The following DMRT1 variants were observed in gnomAD, a reference collection of about 807,000 sequenced individuals.
DMRT1 encodes doublesex- and mab-3-related transcription factor 1.
In DMRT1, 7 loss-of-function variants were observed where a neutral mutation model predicts 32.3. The ratio of observed to expected loss-of-function variants is 0.22; its 90% confidence interval spans 0.12 to 0.41. The LOEUF (loss-of-function observed/expected upper bound fraction) is 0.41, where lower values mean the gene tolerates loss of function less well. Ranked by LOEUF, DMRT1 falls within the 10% of genes least tolerant of loss-of-function variation. DMRT1 has a pLI of 1.00. For synonymous variants in DMRT1, 278 were observed against 206.1 expected (o/e 1.35, Z -2.99); for missense variants, 625 against 500.5 (o/e 1.25, Z -2.37).
At chr9:918,332 C>G (rs116382324) in intron 4 of DMRT1, among the ~76,000 whole-genome samples, 1 of 152,136 alleles carries the variant, frequency 6.6e-6, no homozygotes, top group Non-Finnish European at 1.5e-5. Flanking sequence ...CTTCTTACAC[C>G]AGGAATAATG....
At chr9:940,403 CA>C (rs1206785722) in intron 4 of DMRT1, among the ~76,000 whole-genome samples, 2 of 152,006 alleles carry the variant, frequency 1.3e-5, no homozygotes, top group Non-Finnish European at 2.9e-5. Context: ...AAATAACTCC[CA>C]CATGTATGGT....
At chr9:844,139 T>C (rs990822463) in intron 1 of DMRT1, among the ~76,000 whole-genome samples, 3 of 152,188 alleles carry the variant, frequency 2.0e-5, no homozygotes, top group Admixed American at 6.6e-5. Context: ...GAATAACCTT[T>C]ATTAGTAGAG....
intron 4 of DMRT1, among the ~76,000 whole-genome samples, chr9:941,071 C>G (rs77711424): frequency 0.033 from 4,999 of 152,242 alleles, 314 homozygotes; most frequent in East Asian, 0.18. Context: ...CCCTTGGGCA[C>G]TATTGGTGGG....
At chr9:890,720 TA>T (rs1817111953) in intron 2 of DMRT1, among the ~76,000 whole-genome samples, 1 of 152,122 alleles carries the variant, frequency 6.6e-6, no homozygotes. Context: ...TCTTTATTTT[TA>T]TTTTTTTATT....
chr9:944,066 C>T lies in DMRT1; in HGVS notation c.968-23919C>T, dbSNP rs538198374. ...GGCACCATTTGACTTGGGCAAATTTCTTCCCCTCTCTAAACCTTAGTTTTC... is the reference window on the plus strand; with the variant it reads ...GGCACCATTTGACTTGGGCAAATTTTTTCCCCTCTCTAAACCTTAGTTTTC... On this transcript the variant is annotated intron_variant, in intron 4 of 4. Coordinates refer to ENST00000382276, the MANE Select transcript of DMRT1 (RefSeq NM_021951.3). 3.9e-5 allele frequency among the ~76,000 whole-genome samples: 6 copies of T among 152,296 alleles called. No homozygotes were observed. The South Asian group carries it at 1.0e-3, about 26-fold the overall frequency.
intron 4 of DMRT1, among the ~76,000 whole-genome samples, chr9:967,127 C>T (rs1423347684): frequency 1.3e-5 from 2 of 152,220 alleles, no homozygotes; most frequent in Non-Finnish European, 2.9e-5. Flanking sequence ...ATTACCACTG[C>T]AGCTTCCCCT....
intron 4 of DMRT1, among the ~76,000 whole-genome samples, chr9:921,712 AAAAAAT>A (rs1193888886): frequency 5.3e-5 from 8 of 152,194 alleles, no homozygotes; most frequent in Non-Finnish European, 2.9e-5. Context: ...CATCTCTACA[AAAAAAT>A]AAAAAATAAA....
At chr9:963,362 C>T (rs1819835322) in intron 4 of DMRT1, among the ~76,000 whole-genome samples, 1 of 152,196 alleles carries the variant, frequency 6.6e-6, no homozygotes, top group African/African-American at 2.4e-5. Flanking sequence ...TCTCTCATCA[C>T]TACTCTTTAA....
At chr9:865,720 A>G (rs983758633) in intron 2 of DMRT1, among the ~76,000 whole-genome samples, 12 of 152,224 alleles carry the variant, frequency 7.9e-5, no homozygotes, top group African/African-American at 2.9e-4. Context: ...CAGGAATCTC[A>G]GAGACACATC....
intron 4 of DMRT1, among the ~76,000 whole-genome samples, chr9:932,666 C>T (rs981367854): frequency 2.0e-5 from 3 of 152,096 alleles, no homozygotes; most frequent in Non-Finnish European, 4.4e-5. Context: ...CACAAAACTG[C>T]CCCCATTTTA....
intron 3 of DMRT1, among the ~76,000 whole-genome samples, chr9:899,536 G>A (rs1023788336): frequency 9.2e-5 from 14 of 152,222 alleles, no homozygotes; most frequent in Admixed American, 1.3e-4. Flanking sequence ...GCCTCAGCCT[G>A]TGTAGGAGAT....
chr9:926,212 C>A (rs372145281), intron 4 of DMRT1, among the ~76,000 whole-genome samples: 1 of 152,168 alleles, frequency 6.6e-6, no homozygotes, highest in Non-Finnish European at 1.5e-5. Flanking sequence ...TCAGTATAAA[C>A]TTTAAGATAC....
intron 4 of DMRT1, among the ~76,000 whole-genome samples, chr9:956,556 C>T (rs1247097662): frequency 4.8e-5 from 7 of 146,420 alleles, no homozygotes; most frequent in African/African-American, 7.7e-5. Flanking sequence ...AGAGCAAGAC[C>T]CTGTCTCAAA....
chr9:875,177 C>G (rs1444291792), intron 2 of DMRT1, among the ~76,000 whole-genome samples: 1 of 152,116 alleles, frequency 6.6e-6, no homozygotes, highest in East Asian at 1.9e-4. Context: ...TGGCCCTTCC[C>G]TCATTGTAAA....
rs115457310 is a variant in DMRT1, at chr9:886,135, T to C, written c.539-7777T>C. 5.0e-3 allele frequency among the ~76,000 whole-genome samples: 761 copies of C among 152,310 alleles called. 7 individuals carry two copies. Among genetic ancestry groups the C allele is most frequent in the African/African-American group, 0.016 (683 of 41,564 alleles). ...TGTATTGGCCATGCAGTTTTAAAAG[T>C]CCGTGTTACAGTGCACACAAGCCAT... On this transcript the variant is annotated intron_variant, in intron 2 of 4. Transcript: ENST00000382276.
chr9:907,536 T>A (rs1219680505), intron 3 of DMRT1, among the ~76,000 whole-genome samples: 1 of 152,188 alleles, frequency 6.6e-6, no homozygotes, highest in Non-Finnish European at 1.5e-5. Flanking sequence ...AGGAAACATT[T>A]TTTAAAATTT....
At chr9:943,737 T>TTAC (rs1279965822) in intron 4 of DMRT1, among the ~76,000 whole-genome samples, 1 of 152,186 alleles carries the variant, frequency 6.6e-6, no homozygotes, top group African/African-American at 2.4e-5. Context: ...CGCCAGCAGA[T>TTAC]TACAATTTAC....
chr9:944,098 G>A (rs1023821347), intron 4 of DMRT1, among the ~76,000 whole-genome samples: 1 of 152,230 alleles, frequency 6.6e-6, no homozygotes, highest in Non-Finnish European at 1.5e-5. Context: ...TTTCCTGACT[G>A]TAAGTTGGAG....
At chr9:861,715 C>G (rs929074107) in intron 2 of DMRT1, among the ~76,000 whole-genome samples, 2 of 147,052 alleles carry the variant, frequency 1.4e-5, no homozygotes, top group African/African-American at 5.2e-5. Flanking sequence ...GACGGGGCGG[C>G]TGGCCGGGCA....
Sources: allele counts gnomAD v4.1 joint callset (sites outside exome capture counted in the v4.1 genomes callset), GRCh38; gene constraint gnomAD v4.1.1; transcripts MANE v1.5; gene names NCBI Gene and HGNC (gene_info 2026-07-23, HGNC 2026-07-21).